ARHGAP22: variants seen among roughly 807,000 people sequenced by gnomAD.
The protein encoded by ARHGAP22 is Rho GTPase activating protein 22.
Under a neutral mutation model 59.1 loss-of-function variants are expected in ARHGAP22, and 48 were observed. The observed-to-expected ratio is 0.81, with a 90% confidence interval of 0.64 to 1.03. ARHGAP22 has a LOEUF of 1.03. Ranked by LOEUF, ARHGAP22 falls within the 50% of genes least tolerant of loss-of-function variation. The pLI is 0.00. For missense variants in ARHGAP22, 1,015 were observed against 958.7 expected (o/e 1.06, Z -0.78); for synonymous variants, 445 against 416.4 (o/e 1.07, Z -0.84).
At chr10:48,574,252 T>TCATG in intron 2 of ARHGAP22, among the ~76,000 whole-genome samples, 1 of 152,270 alleles carries the variant, frequency 6.6e-6, no homozygotes, top group East Asian at 1.9e-4. Flanking sequence ...ATTCATTCAT[T>TCATG]CAATTATTCA....
At chr10:48,516,561 A>G (rs2053313533) in intron 3 of ARHGAP22, among the ~76,000 whole-genome samples, 1 of 152,236 alleles carries the variant, frequency 6.6e-6, no homozygotes, top group South Asian at 2.1e-4. Context: ...AACAAAACCT[A>G]TAACTGTTTG....
intron 2 of ARHGAP22, among the ~76,000 whole-genome samples, chr10:48,574,120 A>G (rs57675373): frequency 0.067 from 10,173 of 152,330 alleles, 351 homozygotes; most frequent in African/African-American, 0.11. Flanking sequence ...GGCAGTCAAT[A>G]AGCTCTTTGC....
At chr10:48,435,046 G>C in the ARHGAP22 span, 71 of 1,506,076 alleles carry the variant, frequency 4.7e-5, no homozygotes, top group Non-Finnish European at 5.8e-5. Context: ...GGGCCATCGG[G>C]GGGTGGGAGG....
chr10:48,625,145 C>T (rs1046226257), intron 1 of ARHGAP22: 5 of 152,180 alleles, frequency 3.3e-5, no homozygotes, highest in African/African-American at 1.2e-4. Flanking sequence ...TCTGCTTCCT[C>T]ATATGGAAAA....
At chr10:48,503,663 AC>A (rs934587385) in intron 3 of ARHGAP22, among the ~76,000 whole-genome samples, 1 of 152,160 alleles carries the variant, frequency 6.6e-6, no homozygotes, top group Non-Finnish European at 1.5e-5. Context: ...CACTGGGTGA[AC>A]CTCCCAAGTC....
chr10:48,436,300 G>A, the ARHGAP22 span: 1 of 152,204 alleles, frequency 6.6e-6, no homozygotes, highest in Non-Finnish European at 1.5e-5. Context: ...AACACGCAAT[G>A]TGGATGTCGA....
At chr10:48,497,565 G>A (rs189229214) in intron 3 of ARHGAP22, among the ~76,000 whole-genome samples, 86 of 152,282 alleles carry the variant, frequency 5.6e-4, no homozygotes, top group African/African-American at 1.9e-3. Flanking sequence ...TTGAGGCCTC[G>A]CAGTGTGCTG....
At chr10:48,446,740 G>A in intron 9 of ARHGAP22, 121 bp from the exon 10 acceptor site, 1 of 984,152 alleles carries the variant, frequency 1.0e-6, no homozygotes, top group African/African-American at 1.6e-5. Flanking sequence ...GCGGCAGGAG[G>A]AAACCCTGGC....
At chr10:48,465,462 C>T (rs1476786629) in intron 4 of ARHGAP22, among the ~76,000 whole-genome samples, 1 of 152,266 alleles carries the variant, frequency 6.6e-6, no homozygotes, top group Non-Finnish European at 1.5e-5. Context: ...GCTTGGCCAC[C>T]TTCCGGGGTG....
At chr10:48,633,887 G>A (rs2061714296) in intron 1 of ARHGAP22, among the ~76,000 whole-genome samples, 1 of 152,168 alleles carries the variant, frequency 6.6e-6, no homozygotes, top group Non-Finnish European at 1.5e-5. Context: ...ACTGAATGCT[G>A]GGCCAAGCTG....
upstream of ARHGAP22, among the ~76,000 whole-genome samples, chr10:48,606,518 A>G (rs750890168): frequency 3.9e-5 from 6 of 152,160 alleles, no homozygotes; most frequent in Non-Finnish European, 8.8e-5. Flanking sequence ...CTTTCATGGT[A>G]GCATCCATGG....
chr10:48,441,346 CT>C (rs1250979101), downstream of ARHGAP22, among the ~76,000 whole-genome samples: 1 of 151,490 alleles, frequency 6.6e-6, no homozygotes, highest in East Asian at 1.9e-4. Flanking sequence ...GTGAAAAGGA[CT>C]GAAAACTTGG....
At chr10:48,512,918 A>G (rs1353141625) in intron 3 of ARHGAP22, among the ~76,000 whole-genome samples, 1 of 152,252 alleles carries the variant, frequency 6.6e-6, no homozygotes. Context: ...GAACTTGCTC[A>G]TATACCTTGG....
At chr10:48,519,981 GAA>G (rs2053653598) in intron 3 of ARHGAP22, among the ~76,000 whole-genome samples, 1 of 152,218 alleles carries the variant, frequency 6.6e-6, no homozygotes, top group Non-Finnish European at 1.5e-5. Context: ...GGCCAGCCAG[GAA>G]GCAGTGCCAT....
intron 4 of ARHGAP22, among the ~76,000 whole-genome samples, chr10:48,467,296 T>G (rs1486832910): frequency 6.6e-6 from 1 of 152,142 alleles, no homozygotes; most frequent in African/African-American, 2.4e-5. Flanking sequence ...TGTATTCTTC[T>G]TGGGTTAGGT....
At chr10:48,649,521 T>C (rs1477551420) in intron 1 of ARHGAP22, among the ~76,000 whole-genome samples, 1 of 152,186 alleles carries the variant, frequency 6.6e-6, no homozygotes, top group African/African-American at 2.4e-5. Context: ...GCCACCGTCT[T>C]TCTCTCCACT....
At chr10:48,577,164 T>G (rs1481051248) in intron 2 of ARHGAP22, among the ~76,000 whole-genome samples, 1 of 152,206 alleles carries the variant, frequency 6.6e-6, no homozygotes, top group Non-Finnish European at 1.5e-5. Context: ...TCTTTGGAGT[T>G]TTTTATTCAT....
At chr10:48,526,114 C>G (rs923579859) in intron 3 of ARHGAP22, among the ~76,000 whole-genome samples, 2 of 152,154 alleles carry the variant, frequency 1.3e-5, no homozygotes, top group African/African-American at 4.8e-5. Context: ...CCCTCCCTCC[C>G]TACCACAATT....
intron 1 of ARHGAP22, among the ~76,000 whole-genome samples, chr10:48,594,816 G>T (rs1275484599): frequency 6.6e-6 from 1 of 152,098 alleles, no homozygotes; most frequent in Non-Finnish European, 1.5e-5. Context: ...CTCAGGCTGA[G>T]ACCTCCCTTT....
Sources: allele counts gnomAD v4.1 joint callset (sites outside exome capture counted in the v4.1 genomes callset), GRCh38; gene constraint gnomAD v4.1.1; transcripts MANE v1.5; gene names NCBI Gene and HGNC (gene_info 2026-07-23, HGNC 2026-07-21).